Variants in DTWD2 observed in about 807,000 individuals in gnomAD.
DTWD2 encodes tRNA-uridine aminocarboxypropyltransferase 2.
DTWD2 carries 39 observed loss-of-function variants against 31.8 expected under a neutral mutation model. That is an observed-to-expected ratio of 1.22 (90% CI 0.95 to 1.60). DTWD2 has a LOEUF of 1.60. DTWD2 is among the 40% of genes most tolerant of loss of function. The pLI is 0.00. For missense variants in DTWD2, 515 were observed against 381.5 expected (o/e 1.35, Z -2.92); for synonymous variants, 180 against 142.8 (o/e 1.26, Z -1.86).
At chr5:118,913,451 G>A (rs980376855) in intron 4 of DTWD2, among the ~76,000 whole-genome samples, 43 of 133,712 alleles carry the variant, frequency 3.2e-4, no homozygotes, top group East Asian at 2.4e-4. Context: ...ACACACACAC[G>A]TGTGTGTGTG....
At chr5:118,877,754 G>A (rs1163700144) in intron 4 of DTWD2, among the ~76,000 whole-genome samples, 2 of 152,128 alleles carry the variant, frequency 1.3e-5, no homozygotes, top group Non-Finnish European at 2.9e-5. Context: ...AACAATCCAT[G>A]TTTGTAAACA....
chr5:118,908,027 G>C (rs1233258753), intron 4 of DTWD2, among the ~76,000 whole-genome samples: 1 of 152,158 alleles, frequency 6.6e-6, no homozygotes, highest in Non-Finnish European at 1.5e-5. Flanking sequence ...ACCATCACTG[G>C]ACCATATAAA....
intron 1 of DTWD2, among the ~76,000 whole-genome samples, chr5:118,958,104 A>G (rs1754627953): frequency 6.6e-6 from 1 of 152,160 alleles, no homozygotes; most frequent in Non-Finnish European, 1.5e-5. Context: ...TAGATCTATA[A>G]TTAATATAAG....
intron 4 of DTWD2, among the ~76,000 whole-genome samples, chr5:118,906,870 G>T (rs1753345927): frequency 1.3e-5 from 2 of 152,044 alleles, no homozygotes; most frequent in Non-Finnish European, 2.9e-5. Context: ...AATGGAAAAA[G>T]AATTATTGAG....
rs958873109 is a variant in DTWD2 at position 118,960,856 on chromosome 5, C to T, written c.219-16207G>A. On this transcript the variant is annotated intron_variant, in intron 1 of 5. Coordinates refer to ENST00000510708, the MANE Select transcript of DTWD2 (RefSeq NM_173666.4). ...CCAAACACTGCATATTCTCACTTAT[C>T]AGTGGGAGCTAAACACTGAGTACAC... Among the ~76,000 whole-genome samples the T allele has an allele frequency of 2.6e-5, 4 of 152,138 alleles. No homozygotes were observed. The East Asian group carries it at 7.7e-4, about 29-fold the overall frequency.
At chr5:118,886,321 T>C (rs1051490283) in intron 4 of DTWD2, among the ~76,000 whole-genome samples, 3 of 152,344 alleles carry the variant, frequency 2.0e-5, no homozygotes, top group African/African-American at 7.2e-5. Context: ...TCCTCAGTTA[T>C]CTTGTAGTCT....
intron 4 of DTWD2, among the ~76,000 whole-genome samples, chr5:118,897,656 C>G (rs1430384327): frequency 6.6e-6 from 1 of 152,084 alleles, no homozygotes; most frequent in African/African-American, 2.4e-5. Context: ...ACAATAGCCA[C>G]ACATCAGTGT....
intron 3 of DTWD2, among the ~76,000 whole-genome samples, chr5:118,934,528 A>T (rs1034746812): frequency 4.6e-5 from 7 of 152,058 alleles, no homozygotes; most frequent in Non-Finnish European, 1.0e-4. Flanking sequence ...ACAGTGATAA[A>T]GTAAGAATAC....
rs56102830 is a variant in DTWD2 at position 118,982,686 on chromosome 5, C to CTT, written c.218+5606_218+5607dup. ...TAAATTTACCAAAATAGTTTGTTTT[C>CTT]TTTTTTTTTTTTTTTTTTTTGAGAC... is the stretch of plus-strand genomic sequence containing the variant. On this transcript the variant is annotated intron_variant, in intron 1 of 5. Transcript: ENST00000510708. Among the ~76,000 whole-genome samples the CTT allele has an allele frequency of 2.1e-3, 252 of 121,122 alleles. 2 individuals carry two copies. The highest frequency in any genetic ancestry group is 4.3e-3 in the Middle Eastern group (1 of 232). 79.5% of individuals were successfully genotyped at this position (121,122 alleles called of 152,430 possible).
chr5:118,970,688 A>T (rs2431601), intron 1 of DTWD2, among the ~76,000 whole-genome samples: 95,416 of 151,892 alleles, frequency 0.63, 30,636 homozygotes, highest in East Asian at 0.99. Flanking sequence ...CACGTAATCA[A>T]CAGATTCTCC....
At position 118,973,707 on chromosome 5, in the gene DTWD2, G is replaced by A. The variant is rs545077753; in HGVS notation, c.218+14587C>T. ...GCCTCCGCCACGCGCCTCCTCCGCC[G>A]CCGCGGACTCCGGCAGCTTTATCGC... On this transcript the variant is annotated intron_variant, in intron 1 of 5. Transcript: ENST00000510708. 3.9e-4 allele frequency: 587 copies of A among 1,509,674 alleles called. 1 individual carries two copies. In the African/African-American group the frequency reaches 7.2e-3, roughly 19 times the overall value. 93.5% of individuals were successfully genotyped at this position (1,509,674 alleles called of 1,614,324 possible). A position where few individuals can be genotyped will look rare whatever the true frequency, so the allele number is the denominator to read the frequency against.
chr5:118,962,277 T>C (rs1214796621), intron 1 of DTWD2, among the ~76,000 whole-genome samples: 1 of 151,930 alleles, frequency 6.6e-6, no homozygotes, highest in African/African-American at 2.4e-5. Flanking sequence ...TTAGAGAAAA[T>C]ACATTAAGAT....
intron 1 of DTWD2, among the ~76,000 whole-genome samples, chr5:118,949,058 T>G (rs560014088): frequency 6.6e-6 from 1 of 152,062 alleles, no homozygotes. Flanking sequence ...AGGAAGAAAT[T>G]TGGGCTTTGA....
intron 4 of DTWD2, among the ~76,000 whole-genome samples, chr5:118,884,175 T>C (rs1393073133): frequency 1.3e-5 from 2 of 152,224 alleles, no homozygotes; most frequent in African/African-American, 4.8e-5. Flanking sequence ...GAGTAATGTA[T>C]ACTTCTCACT....
At chr5:118,843,351 GAGGGAGGAAGGGAGGA>G (rs112226350) in intron 5 of DTWD2, among the ~76,000 whole-genome samples, 20,844 of 150,842 alleles carry the variant, frequency 0.14, 2,141 homozygotes, top group African/African-American at 0.29. Context: ...GGGAGGCAGG[GAGGGAGGAAGGGAGGA>G]AGGGAGGAAG....
At chr5:118,934,155 C>A (rs1206819163) in intron 3 of DTWD2, among the ~76,000 whole-genome samples, 1 of 150,264 alleles carries the variant, frequency 6.7e-6, no homozygotes, top group Non-Finnish European at 1.5e-5. Flanking sequence ...GCAAAAAGGA[C>A]TGGGCACAGT....
chr5:118,966,826 G>C (rs1266316883), intron 1 of DTWD2, among the ~76,000 whole-genome samples: 1 of 151,964 alleles, frequency 6.6e-6, no homozygotes, highest in Non-Finnish European at 1.5e-5. Flanking sequence ...GGTCAGGAGT[G>C]CGAGAACAGC....
At chr5:118,945,155 G>A (rs1370133510) in intron 1 of DTWD2, among the ~76,000 whole-genome samples, 2 of 152,094 alleles carry the variant, frequency 1.3e-5, no homozygotes, top group South Asian at 2.1e-4. Context: ...TCAAATAGAC[G>A]CCACCAAATT....
At chr5:118,878,533 T>C (rs1158427512) in intron 4 of DTWD2, among the ~76,000 whole-genome samples, 1 of 152,122 alleles carries the variant, frequency 6.6e-6, no homozygotes, top group African/African-American at 2.4e-5. Context: ...AAAACTTAAC[T>C]GTAAAACTCA....
Sources: gnomAD v4.1 joint callset for allele counts (sites outside exome capture counted in the v4.1 genomes callset) on GRCh38, gnomAD v4.1.1 for gene constraint, MANE v1.5 for transcripts, NCBI Gene and HGNC (gene_info 2026-07-23, HGNC 2026-07-21) for gene names.